Variants in DLG2 observed in about 807,000 individuals in gnomAD.
DLG2 encodes the protein discs large MAGUK scaffold protein 2, also known as disks large homolog 2.
A neutral mutation model predicts 132.5 loss-of-function variants in DLG2; 45 were observed. That is an observed-to-expected ratio of 0.34 (90% CI 0.27 to 0.44). The LOEUF is 0.44. Ranked by LOEUF, DLG2 falls within the 20% of genes least tolerant of loss-of-function variation. The probability of loss-of-function intolerance (pLI) is 1.00; values close to 1 mark genes in which losing one functional copy is unlikely to be tolerated. For synonymous variants in DLG2, 424 were observed against 419.6 expected, an observed-to-expected ratio of 1.01 and a Z score of -0.13; for missense variants, 1,045 against 1,196.9, an observed-to-expected ratio of 0.87 and a Z score of 1.87.
At chr11:85,242,932 C>G (rs2075959980) in intron 4 of DLG2, among the ~76,000 whole-genome samples, 1 of 151,934 alleles carries the variant, frequency 6.6e-6, no homozygotes, top group African/African-American at 2.4e-5. Flanking sequence ...CAAGACTACT[C>G]AAGCCCCACA....
chr11:85,233,677 A>G (rs189250159), intron 4 of DLG2, among the ~76,000 whole-genome samples: 241 of 148,746 alleles, frequency 1.6e-3, no homozygotes, highest in African/African-American at 5.6e-3. Context: ...GTGCCTCTCT[A>G]TTCTACTCTG....
intron 8 of DLG2, among the ~76,000 whole-genome samples, chr11:84,190,576 A>C (rs1406638152): frequency 6.6e-6 from 1 of 152,202 alleles, no homozygotes; most frequent in African/African-American, 2.4e-5. Flanking sequence ...AGAGTTGTAC[A>C]ATTTTCAGAC....
chr11:84,765,978 C>A (rs548217404), intron 6 of DLG2, among the ~76,000 whole-genome samples: 73 of 152,156 alleles, frequency 4.8e-4, no homozygotes, highest in African/African-American at 1.6e-3. Flanking sequence ...TCTGAAAGCA[C>A]ACAAACAAGT....
intron 22 of DLG2, among the ~76,000 whole-genome samples, chr11:83,479,762 G>C (rs2092947999): frequency 6.6e-6 from 1 of 152,010 alleles, no homozygotes; most frequent in African/African-American, 2.4e-5. Flanking sequence ...AGAAGACTTG[G>C]TCACATTTAA....
chr11:84,876,102 CTA>C (rs1396610313), intron 6 of DLG2, among the ~76,000 whole-genome samples: 4 of 152,068 alleles, frequency 2.6e-5, no homozygotes, highest in African/African-American at 7.2e-5. Context: ...TTCCAGAATT[CTA>C]TGTTTTAGAT....
intron 3 of DLG2, among the ~76,000 whole-genome samples, chr11:85,516,431 A>G (rs1304551429): frequency 2.0e-5 from 3 of 152,078 alleles, no homozygotes; most frequent in Non-Finnish European, 2.9e-5. Context: ...GCAGAAGGAA[A>G]AAATTCAATG....
intron 3 of DLG2, among the ~76,000 whole-genome samples, chr11:85,382,317 G>A (rs1163439106): frequency 6.6e-6 from 1 of 152,060 alleles, no homozygotes; most frequent in Non-Finnish European, 1.5e-5. Flanking sequence ...AAATTCATAT[G>A]CAAAGGAATC....
intron 19 of DLG2, among the ~76,000 whole-genome samples, chr11:83,569,912 C>G (rs1593408588): frequency 6.6e-6 from 1 of 152,226 alleles, no homozygotes. Context: ...TTAAACAGGA[C>G]AGCTCCATGG....
intron 4 of DLG2, among the ~76,000 whole-genome samples, chr11:85,273,551 T>C (rs896657966): frequency 6.6e-6 from 1 of 151,980 alleles, no homozygotes; most frequent in Non-Finnish European, 1.5e-5. Flanking sequence ...AAAACCACAA[T>C]GAGATACCAT....
intron 3 of DLG2, among the ~76,000 whole-genome samples, chr11:85,469,123 T>A (rs2153072357): frequency 6.6e-6 from 1 of 152,374 alleles, no homozygotes; most frequent in African/African-American, 2.4e-5. Context: ...CACTGTTCTA[T>A]TTCTCTCATA....
rs538257563 is a variant in DLG2, at chr11:83,457,649, T to C, written c.*2169A>G. On this transcript the variant is annotated 3_prime_UTR_variant, in exon 28 of 28. Transcript: ENST00000376104. ...TTTAAATAAATGGTTGCATGCTCAG[T>C]TGAGAAACCAAAGAAGTTATCGTGG... 3 of 152,428 alleles carry C rather than the reference T, an allele frequency of 2.0e-5. No individual in the cohort carries two copies. Among genetic ancestry groups the C allele is most frequent in the East Asian group, 1.9e-4 (1 of 5,180 alleles). The allele number at this position is 152,428 out of a possible 1,614,324, so 9.4% of individuals were successfully genotyped here. A position where few individuals can be genotyped will look rare whatever the true frequency, so the allele number is the denominator to read the frequency against.
chr11:84,900,052 T>A (rs2090699903), intron 6 of DLG2, among the ~76,000 whole-genome samples: 1 of 152,022 alleles, frequency 6.6e-6, no homozygotes, highest in Non-Finnish European at 1.5e-5. Context: ...TTAAGAATAT[T>A]TCCTCTGACC....
At chr11:83,916,069 T>C (rs1292093874) in intron 15 of DLG2, among the ~76,000 whole-genome samples, 1 of 152,200 alleles carries the variant, frequency 6.6e-6, no homozygotes, top group African/African-American at 2.4e-5. Flanking sequence ...CACGTATCAG[T>C]ACTTCATTCT....
At chr11:84,190,600 G>C (rs1166571352) in intron 8 of DLG2, among the ~76,000 whole-genome samples, 1 of 152,130 alleles carries the variant, frequency 6.6e-6, no homozygotes, top group Admixed American at 6.5e-5. Flanking sequence ...TTAATGTTTT[G>C]AGAACATGAA....
At chr11:85,264,294 A>C (rs2077091790) in intron 4 of DLG2, among the ~76,000 whole-genome samples, 1 of 152,204 alleles carries the variant, frequency 6.6e-6, no homozygotes, top group Non-Finnish European at 1.5e-5. Flanking sequence ...TTAGAAACAA[A>C]GCAGAAACCA....
At chr11:85,463,614 T>G (rs2092686114) in intron 3 of DLG2, among the ~76,000 whole-genome samples, 1 of 152,076 alleles carries the variant, frequency 6.6e-6, no homozygotes, top group Non-Finnish European at 1.5e-5. Flanking sequence ...AAAAAAATTT[T>G]TTTTAAATTA....
intron 18 of DLG2, among the ~76,000 whole-genome samples, chr11:83,785,452 T>C (rs1237243863): frequency 6.6e-6 from 1 of 152,246 alleles, no homozygotes; most frequent in Non-Finnish European, 1.5e-5. Flanking sequence ...GAGAAGAGAA[T>C]ATTTCCTTGG....
intron 6 of DLG2, among the ~76,000 whole-genome samples, chr11:84,844,305 A>G (rs951628571): frequency 1.3e-5 from 2 of 151,538 alleles, no homozygotes; most frequent in African/African-American, 4.8e-5. Flanking sequence ...ATCTTGATAC[A>G]TAAAGATTAC....
intron 3 of DLG2, among the ~76,000 whole-genome samples, chr11:85,595,760 G>A (rs1017254693): frequency 6.6e-6 from 1 of 151,968 alleles, no homozygotes; most frequent in Non-Finnish European, 1.5e-5. Context: ...TTTAACCATT[G>A]AATTTTATAT....
Sources: gnomAD v4.1 joint callset for allele counts (sites outside exome capture counted in the v4.1 genomes callset) on GRCh38, gnomAD v4.1.1 for gene constraint, MANE v1.5 for transcripts, NCBI Gene and HGNC (gene_info 2026-07-23, HGNC 2026-07-21) for gene names.